Variants in AANAT observed in about 807,000 individuals in gnomAD.
AANAT encodes the protein serotonin N-acetyltransferase.
In AANAT, 11 loss-of-function variants were observed where a neutral mutation model predicts 15.6. The ratio of observed to expected loss-of-function variants is 0.71; its 90% CI spans 0.44 to 1.17. AANAT has a LOEUF of 1.17. Among genes scored for constraint, AANAT ranks in the 50% most tolerant of loss-of-function variants. The probability of loss-of-function intolerance (pLI) is 0.00; values close to 1 mark genes in which losing one functional copy is unlikely to be tolerated. For synonymous variants in AANAT, 139 were observed against 131.5 expected (o/e 1.06, Z -0.39); for missense variants, 286 against 296.3 (o/e 0.97, Z 0.26).
rs753769409 is a variant in AANAT at position 76,469,119 on chromosome 17, A to G, written c.164-54A>G. 127 of 1,606,342 alleles carry G rather than the reference A, an allele frequency of 7.9e-5. No homozygotes were observed. The highest frequency in any genetic ancestry group is 1.3e-4 in the Admixed American group (8 of 59,766). On this transcript the variant is annotated intron_variant, in intron 2 of 3. Transcript: ENST00000392492. The surrounding 1 kb of genome is among the most constrained non-coding windows in gnomAD (Gnocchi z 5.2). Reference sequence around the variant, plus strand: ...AGTGGACACTCGGGGTGCAGCAGACAGTGGACGCGAGGCACAGCGACTACC... The same window carrying G: ...AGTGGACACTCGGGGTGCAGCAGACGGTGGACGCGAGGCACAGCGACTACC...
intron 2 of AANAT, among the ~76,000 whole-genome samples, chr17:76,461,228 C>T (rs972772624): frequency 1.3e-5 from 2 of 151,824 alleles, no homozygotes; most frequent in African/African-American, 2.4e-5. Flanking sequence ...TAGGCACCTG[C>T]TCTGTGGGTG....
In AANAT at chr17:76,469,198, C is replaced by A; in HGVS notation, c.189C>A (p.Cys63Ter). ...REAFISVLGV[C>*]PLYLDEIRHF... Reference sequence around the variant, plus strand: ...CCTTCATCTCCGTCTTGGGCGTCTGCCCCCTGTACCTGGATGAGATCCGGC... The same window carrying A: ...CCTTCATCTCCGTCTTGGGCGTCTGACCCCTGTACCTGGATGAGATCCGGC... The change falls in exon 3 of 4, where the codon TGC becomes TGA. Residue 63 changes from cysteine to a stop codon, truncating the protein, a stop_gained. Coordinates refer to ENST00000392492, the MANE Select transcript of AANAT (RefSeq NM_001088.3). LOFTEE classifies it high-confidence loss of function. This position sits in a 1 kb window ranked among gnomAD's most constrained non-coding sequence, Gnocchi z 5.2. 6.2e-7 allele frequency: 1 copy of A among 1,614,156 alleles called. No individual in the cohort carries two copies. Among genetic ancestry groups the A allele is most frequent in the Non-Finnish European group, 8.5e-7 (1 of 1,180,020 alleles).
chr17:76,461,130 A>T (rs1197025254), intron 2 of AANAT, among the ~76,000 whole-genome samples: 1 of 151,712 alleles, frequency 6.6e-6, no homozygotes, highest in Non-Finnish European at 1.5e-5. Flanking sequence ...GCGCCACTGC[A>T]CTCCAGCCTG....
chr17:76,466,663 G>A (rs2073440883), upstream of AANAT, among the ~76,000 whole-genome samples: 2 of 152,182 alleles, frequency 1.3e-5, no homozygotes, highest in Non-Finnish European at 2.9e-5. Flanking sequence ...CTTGTTGGAT[G>A]GCTCTGAGCA....
In AANAT at chr17:76,469,199, C is replaced by T. The variant is rs1464050637; in HGVS notation, c.190C>T (p.Pro64Ser). 6.2e-7 allele frequency: 1 copy of T among 1,614,044 alleles called. No homozygotes were observed. The highest frequency in any genetic ancestry group is 2.2e-5 in the East Asian group (1 of 44,892). ...CTTCATCTCCGTCTTGGGCGTCTGC[C>T]CCCTGTACCTGGATGAGATCCGGCA... Reference protein sequence around the residue: ...EAFISVLGVCPLYLDEIRHFL... With the variant: ...EAFISVLGVCSLYLDEIRHFL... Residue 64 changes from proline to serine, a missense_variant, in exon 3 of 4, where the codon CCC becomes TCC. Pro to Ser is a moderately conservative substitution (Grantham distance 74). Transcript: ENST00000392492. The surrounding 1 kb of genome is among the most constrained non-coding windows in gnomAD (Gnocchi z 5.2).
intron 2 of AANAT, among the ~76,000 whole-genome samples, chr17:76,460,671 T>C (rs773412683): frequency 1.8e-4 from 27 of 152,150 alleles, no homozygotes; most frequent in Non-Finnish European, 2.8e-4. Context: ...AATCTTACTA[T>C]TGGGCAGTTT....
chr17:76,468,580 G>A, intron 1 of AANAT, 92 bp from the exon 2 acceptor site: 1 of 1,182,812 alleles, frequency 8.5e-7, no homozygotes, highest in Non-Finnish European at 1.2e-6. Context: ...CTCCACCCCA[G>A]TTCCTGCTAC....
upstream of AANAT, among the ~76,000 whole-genome samples, chr17:76,467,024 T>C (rs1285704332): frequency 6.6e-6 from 1 of 151,306 alleles, no homozygotes; most frequent in African/African-American, 2.4e-5. Flanking sequence ...CAGGATGGGG[T>C]GTGAGCTGGA....
intron 1 of AANAT, among the ~76,000 whole-genome samples, chr17:76,455,963 A>G (rs1203664988): frequency 6.6e-6 from 1 of 152,120 alleles, no homozygotes; most frequent in Non-Finnish European, 1.5e-5. Context: ...CAGTGAGCCA[A>G]GAACACATCA....
chr17:76,464,994 A>C (rs565745299), upstream of AANAT, among the ~76,000 whole-genome samples: 41 of 151,408 alleles, frequency 2.7e-4, no homozygotes, highest in Non-Finnish European at 5.3e-4. Flanking sequence ...ACGGAGTTTC[A>C]CCATATTGGC....
In AANAT at chr17:76,468,909, G is replaced by A; in HGVS notation, c.163G>A (p.Ala55Thr). The change falls in exon 2 of 4, where the codon GCC becomes ACC. Residue 55 changes from alanine to threonine, a missense_variant and splice_region_variant. By Grantham distance (58) the Ala-to-Thr change is moderately conservative. Transcript: ENST00000392492. ...CAGCGCCTTTGAGATCGAGCGTGAA[G>A]GTGAGTGGCCCCGCACAGGGTCAGA... ...AVSAFEIERE[A>T]FISVLGVCPL... 6.2e-7 allele frequency: 1 copy of A among 1,612,886 alleles called. No individual in the cohort carries two copies. The highest frequency in any genetic ancestry group is 1.1e-5 in the South Asian group (1 of 91,044).
intron 1 of AANAT, chr17:76,453,855 C>G (rs1268862163): frequency 2.6e-5 from 4 of 152,146 alleles, no homozygotes; most frequent in African/African-American, 7.2e-5. Flanking sequence ...TCCCTGAAGC[C>G]AAGAATGAAT....
intron 1 of AANAT, among the ~76,000 whole-genome samples, chr17:76,454,950 A>T (rs1021596330): frequency 6.6e-6 from 1 of 151,822 alleles, no homozygotes; most frequent in Non-Finnish European, 1.5e-5. Context: ...AAGATGGTGA[A>T]ACCCTGTCTC....
Position 76,469,832 on chromosome 17 carries a change from C to A in AANAT, c.486C>A (p.Asp162Glu). ...AVRRAALMCE[D>E]ALVPFYERFS... ...GCCGGGCCGCGCTCATGTGCGAGGA[C>A]GCGCTGGTACCCTTCTATGAGAGGT... The change falls in exon 4 of 4, where the codon GAC (aspartate) becomes GAA (glutamate). Residue 162 changes from aspartate to glutamate, a missense_variant. By Grantham distance (45) the Asp-to-Glu change is conservative. Coordinates refer to ENST00000392492, the MANE Select transcript of AANAT (RefSeq NM_001088.3). The surrounding 1 kb of genome is among the most constrained non-coding windows in gnomAD (Gnocchi z 5.2). The A allele has an allele frequency of 6.2e-7, 1 of 1,604,934 alleles. No homozygotes were observed. Among genetic ancestry groups the A allele is most frequent in the Non-Finnish European group, 8.5e-7 (1 of 1,176,972 alleles).
chr17:76,454,816 C>T (rs1351301355), intron 1 of AANAT, among the ~76,000 whole-genome samples: 2 of 151,030 alleles, frequency 1.3e-5, no homozygotes, highest in African/African-American at 4.9e-5. Context: ...GAGCAGGACT[C>T]TGTCTCAAAA....
exon 1 of AANAT, chr17:76,453,624 A>C: frequency 6.5e-6 from 1 of 153,698 alleles, no homozygotes; most frequent in Non-Finnish European, 1.4e-5. Flanking sequence ...CAAAACAAAT[A>C]CACATTAAAT....
At chr17:76,461,506 A>G (rs2073387610) in intron 2 of AANAT, among the ~76,000 whole-genome samples, 1 of 143,402 alleles carries the variant, frequency 7.0e-6, no homozygotes, top group Admixed American at 7.2e-5. Context: ...GCTACTTGGG[A>G]GGCTGAGGCA....
chr17:76,463,220 G>A (rs1318638071), upstream of AANAT, among the ~76,000 whole-genome samples: 7 of 151,862 alleles, frequency 4.6e-5, no homozygotes, highest in African/African-American at 1.7e-4. Context: ...TTTAATCAAC[G>A]GCCTCTGCAC....
intron 1 of AANAT, among the ~76,000 whole-genome samples, chr17:76,454,684 G>A (rs1349623076): frequency 6.6e-6 from 1 of 151,944 alleles, no homozygotes; most frequent in African/African-American, 2.4e-5. Flanking sequence ...TTAGCTGGGC[G>A]TGGTGGTGTG....
Sources: gnomAD v4.1 joint callset for allele counts (sites outside exome capture counted in the v4.1 genomes callset) on GRCh38, gnomAD v4.1.1 for gene constraint, Gnocchi (gnomAD v3.1) non-coding constraint, MANE v1.5 for transcripts, NCBI Gene and HGNC (gene_info 2026-07-23, HGNC 2026-07-21) for gene names.